TNK2: variants seen among roughly 807,000 people sequenced by gnomAD.
TNK2 encodes the protein tyrosine kinase non receptor 2.
In TNK2, 83 loss-of-function variants were observed where a neutral mutation model predicts 101.8. That is an observed-to-expected ratio of 0.82 (90% CI 0.68 to 0.98). The LOEUF (loss-of-function observed/expected upper bound fraction) is 0.98. Among genes scored for constraint, TNK2 ranks in the 50% least tolerant of loss-of-function variants. The probability of loss-of-function intolerance (pLI) is 0.00; values close to 1 mark genes in which losing one functional copy is unlikely to be tolerated. For missense variants in TNK2, 1,665 were observed against 1,483.2 expected, an observed-to-expected ratio of 1.12 and a Z score of -2.01; for synonymous variants, 804 against 633.0, an observed-to-expected ratio of 1.27 and a Z score of -4.06.
Position 195,878,403 on chromosome 3 carries a change from C to T in TNK2, c.1161+43G>A. Reference sequence around the variant, plus strand: ...TGGGACTGACGCCTGGGTAGCCCCTCAGCTTGAACACCCCAGCTCTCCTGG... The same window carrying T: ...TGGGACTGACGCCTGGGTAGCCCCTTAGCTTGAACACCCCAGCTCTCCTGG... On this transcript the variant is annotated intron_variant, in intron 8 of 15. Coordinates refer to ENST00000672887, the MANE Select transcript of TNK2 (RefSeq NM_001382273.1). This position sits in a 1 kb window ranked among gnomAD's most constrained non-coding sequence, Gnocchi z 4.7. 1 of 1,613,882 alleles carries T rather than the reference C, an allele frequency of 6.2e-7. No individual in the cohort carries two copies. The highest frequency in any genetic ancestry group is 8.5e-7 in the Non-Finnish European group (1 of 1,179,906).
intron 1 of TNK2, among the ~76,000 whole-genome samples, chr3:195,902,929 G>A (rs1341794670): frequency 1.3e-5 from 2 of 151,352 alleles, no homozygotes; most frequent in African/African-American, 4.9e-5. Flanking sequence ...TTTGTATTCT[G>A]GGTAGAGACA....
intron 1 of TNK2, chr3:195,892,829 T>A: frequency 1.2e-6 from 1 of 844,424 alleles, no homozygotes. Flanking sequence ...TCTCTCTCCC[T>A]CTCTCCCTCC....
intron 1 of TNK2, among the ~76,000 whole-genome samples, chr3:195,905,030 A>C (rs1243552380): frequency 2.0e-5 from 3 of 152,208 alleles, no homozygotes; most frequent in African/African-American, 7.2e-5. Flanking sequence ...AGAATAGCTA[A>C]AGCAATTTTG....
rs1757155884 is a variant in TNK2, at chr3:195,888,678, C to G, written c.-18-72G>C. 4.7e-5 allele frequency: 67 copies of G among 1,428,446 alleles called. 1 individual carries two copies. In the South Asian group the frequency reaches 8.2e-4, roughly 17 times the overall value. The allele number at this position is 1,428,446 out of a possible 1,614,324, so 88.5% of individuals were successfully genotyped here. On this transcript the variant is annotated intron_variant, in intron 1 of 15. Coordinates refer to ENST00000672887, the MANE Select transcript of TNK2 (RefSeq NM_001382273.1). The surrounding 1 kb of genome is among the most constrained non-coding windows in gnomAD (Gnocchi z 5.3). ...CAGGGGCCTGCCCGAGTGACCTGGG[C>G]TCACCTTCATCCCACTACACGGCCA...
rs1177735008 is a variant in TNK2, at chr3:195,885,292, G to GCGGCCCCACACC, written c.235-271_235-260dup. On this transcript the variant is annotated intron_variant, in intron 3 of 15. Coordinates refer to ENST00000672887, the MANE Select transcript of TNK2 (RefSeq NM_001382273.1). The surrounding 1 kb of genome is among the most constrained non-coding windows in gnomAD (Gnocchi z 4.7). The stretch of plus-strand genomic sequence containing the variant: ...CGACAGGCATGCAGCCTGTGGCTGA[G>GCGGCCCCACACC]CGGCCCCACACCCAGCTGTGTGGAG... 37 of 1,292,736 alleles carry GCGGCCCCACACC rather than the reference G, an allele frequency of 2.9e-5. No individual in the cohort carries two copies. The African/African-American group carries it at 5.5e-4, about 19-fold the overall frequency. 80.1% of individuals were successfully genotyped at this position (1,292,736 alleles called of 1,614,324 possible).
At chr3:195,866,178 G>A (rs936757590) in intron 15 of TNK2, among the ~76,000 whole-genome samples, 7 of 152,020 alleles carry the variant, frequency 4.6e-5, no homozygotes, top group Non-Finnish European at 1.5e-5. Flanking sequence ...CCTTTTACAG[G>A]AAAGACAATA....
At position 195,882,538 on chromosome 3, in the gene TNK2, G is replaced by A; in HGVS notation, c.610-210C>T. ...TTGGGAAACTGATGCCTAGAGAGAA[G>A]GAGCCCAAAGAGGCAGTGGCTAGAA... On this transcript the variant is annotated intron_variant, in intron 5 of 15. Coordinates refer to ENST00000672887, the MANE Select transcript of TNK2 (RefSeq NM_001382273.1). This position sits in a 1 kb window ranked among gnomAD's most constrained non-coding sequence, Gnocchi z 4.2. 6.5e-7 allele frequency: 1 copy of A among 1,530,206 alleles called. No individual in the cohort carries two copies. Among genetic ancestry groups the A allele is most frequent in the Non-Finnish European group, 8.7e-7 (1 of 1,143,502 alleles). The allele number at this position is 1,530,206 out of a possible 1,614,324, so 94.8% of individuals were successfully genotyped here.
chr3:195,896,152 G>A (rs578170650), intron 1 of TNK2: 28 of 455,118 alleles, frequency 6.2e-5, no homozygotes, highest in South Asian at 4.0e-4. Flanking sequence ...ACTGGCGCGA[G>A]GCCATCGCCG....
chr3:195,868,954 TC>T, intron 12 of TNK2: 1 of 544,758 alleles, frequency 1.8e-6, no homozygotes, highest in Non-Finnish European at 3.2e-6. Flanking sequence ...CCTCGCTCCG[TC>T]TAAGCTGCAG....
rs567813598 is a variant in TNK2, at chr3:195,898,928, C to T, written c.-19+9557G>A. On this transcript the variant is annotated intron_variant, in intron 1 of 15. Transcript: ENST00000672887. The stretch of plus-strand genomic sequence containing the variant: ...TGGCCAATATGGTGAAACCCCATCT[C>T]TACTAAAAAATATAAAAATTAGCCG... 1.8e-4 allele frequency among the ~76,000 whole-genome samples: 28 copies of T among 152,268 alleles called. 1 individual carries two copies. The South Asian group carries it at 4.8e-3, about 26-fold the overall frequency.
chr3:195,880,208 A>AAGCAG, intron 6 of TNK2, among the ~76,000 whole-genome samples: 1 of 152,172 alleles, frequency 6.6e-6, no homozygotes, highest in East Asian at 1.9e-4. Flanking sequence ...AGGGCCAAGT[A>AAGCAG]CCACCCCTAG....
Position 195,867,513 on chromosome 3 carries a change from G to C in TNK2, c.2785C>G (p.Gln929Glu). Residue 929 changes from glutamine to glutamate, a missense_variant, in exon 13 of 16, where the codon CAG (glutamine) becomes GAG (glutamate). Physicochemically the swap from Gln to Glu is conservative, Grantham distance 29 (BLOSUM62 2). Coordinates refer to ENST00000672887, the MANE Select transcript of TNK2 (RefSeq NM_001382273.1). ...TTGGCCTTGGGGTCCAAGGCAGCCT[G>C]GGGCATCGGCCGCACGGTGGCCGTG... ...APTATVRPMP[Q>E]AALDPKANFS... The C allele has an allele frequency of 6.4e-7, 1 of 1,557,682 alleles. No homozygotes were observed. The highest frequency in any genetic ancestry group is 8.6e-7 in the Non-Finnish European group (1 of 1,159,854).
intron 1 of TNK2, among the ~76,000 whole-genome samples, chr3:195,889,241 C>G (rs1461734928): frequency 6.6e-6 from 1 of 152,056 alleles, no homozygotes; most frequent in African/African-American, 2.4e-5. Context: ...CTCGCAGACA[C>G]CCCTGTCAAC....
rs1745482300 is a variant in TNK2, at chr3:195,871,769, T to C, written c.1451+507A>G. On this transcript the variant is annotated intron_variant, in intron 10 of 15. Coordinates refer to ENST00000672887, the MANE Select transcript of TNK2 (RefSeq NM_001382273.1). ...AGGACCCCTGCATCTGAGCAGCAAG[T>C]GCTAATTCAGAGTGCATTTACAGCC... Among the ~76,000 whole-genome samples, 2 of 152,188 alleles carry C rather than the reference T, an allele frequency of 1.3e-5. 1 individual carries two copies. Among genetic ancestry groups the C allele is most frequent in the South Asian group, 4.1e-4 (2 of 4,834 alleles).
Position 195,872,314 on chromosome 3 carries a change from G to A in TNK2, c.1413C>T (p.Asp471=). Residue 471 remains aspartate, a synonymous_variant, in exon 10 of 16, where the codon GAC becomes GAT. Coordinates refer to ENST00000672887, the MANE Select transcript of TNK2 (RefSeq NM_001382273.1). ...CCGGGAAGCCCCAGCAGTGGCGGGG[G>A]TCACTGTCGCCATGCCCTGTGTGGA... ...SFIHTGHGDS[D]PRHCWGFPDR... 2 of 1,613,318 alleles carry A rather than the reference G, an allele frequency of 1.2e-6. No individual in the cohort carries two copies. Among genetic ancestry groups the A allele is most frequent in the Non-Finnish European group, 8.5e-7 (1 of 1,179,932 alleles).
chr3:195,888,350 C>A lies in TNK2; in HGVS notation c.163+76G>T. The stretch of plus-strand genomic sequence containing the variant: ...TGGGACAGAGTTCTCAGCTGCCACC[C>A]GTGCACCGAGTGGTCCTGAGGACAG... On this transcript the variant is annotated intron_variant, in intron 2 of 15. Coordinates refer to ENST00000672887, the MANE Select transcript of TNK2 (RefSeq NM_001382273.1). This position sits in a 1 kb window ranked among gnomAD's most constrained non-coding sequence, Gnocchi z 5.3. The A allele has an allele frequency of 6.6e-7, 1 of 1,509,994 alleles. No homozygotes were observed. Among genetic ancestry groups the A allele is most frequent in the South Asian group, 1.2e-5 (1 of 81,220 alleles). 93.5% of individuals were successfully genotyped at this position (1,509,994 alleles called of 1,614,324 possible).
Position 195,875,926 on chromosome 3 carries a change from C to T in TNK2, c.1256+2327G>A, listed in dbSNP as rs1183188045. On this transcript the variant is annotated intron_variant, in intron 9 of 15. Transcript: ENST00000672887. ...GAAATCTCAGCACCACGTTCCCGTC[C>T]GGGCCGAAGGTAGTCCAGAAATGGC... 2.0e-5 allele frequency among the ~76,000 whole-genome samples: 3 copies of T among 152,200 alleles called. No individual in the cohort carries two copies. The East Asian group carries it at 5.8e-4, about 29-fold the overall frequency.
In TNK2 at chr3:195,878,918, A is replaced by G. The variant is rs880804; in HGVS notation, c.1014+131T>C. The G allele has an allele frequency of 0.021, 29,354 of 1,404,124 alleles. 2,224 individuals are homozygous for G. The East Asian group carries it at 0.27, about 13-fold the overall frequency. The allele number at this position is 1,404,124 out of a possible 1,614,324, so 87.0% of individuals were successfully genotyped here. A position where few individuals can be genotyped will look rare whatever the true frequency, so the allele number is the denominator to read the frequency against. ...CACGGGGCGTGGTGGGAGGCACGGG[A>G]AGTGGGGGGAGGCACGGGGCGTGGG... is the stretch of plus-strand genomic sequence containing the variant. On this transcript the variant is annotated intron_variant, in intron 7 of 15. Transcript: ENST00000672887. The surrounding 1 kb of genome is among the most constrained non-coding windows in gnomAD (Gnocchi z 4.7).
chr3:195,874,263 C>T (rs1747547803), intron 9 of TNK2, among the ~76,000 whole-genome samples: 1 of 152,230 alleles, frequency 6.6e-6, no homozygotes, highest in Admixed American at 6.5e-5. Flanking sequence ...AGGCAGGTCA[C>T]TCCGTCTGGC....
Sources: allele counts gnomAD v4.1 joint callset (sites outside exome capture counted in the v4.1 genomes callset), GRCh38; gene constraint gnomAD v4.1.1; non-coding constraint Gnocchi (gnomAD v3.1); transcripts MANE v1.5; gene names NCBI Gene and HGNC (gene_info 2026-07-23, HGNC 2026-07-21).